Variants in ZNF366 observed in about 807,000 individuals in gnomAD.
ZNF366 encodes the protein dendritic cell-specific transcript protein.
A neutral mutation model predicts 47.2 loss-of-function variants in ZNF366; 20 were observed. The ratio of observed to expected loss-of-function variants is 0.42; its 90% CI spans 0.30 to 0.62. ZNF366 has a LOEUF of 0.62. Among genes scored for constraint, ZNF366 ranks in the 20% least tolerant of loss-of-function variants. The probability of loss-of-function intolerance (pLI) is 0.16; values close to 1 mark genes in which losing one functional copy is unlikely to be tolerated. For missense variants in ZNF366, 987 were observed against 976.3 expected (o/e 1.01, Z -0.15); for synonymous variants, 421 against 395.1 (o/e 1.07, Z -0.78).
At position 72,443,672 on chromosome 5, in the gene ZNF366, C is replaced by A; in HGVS notation, c.*84G>T. 7 of 1,415,816 alleles carry A rather than the reference C, an allele frequency of 4.9e-6. No homozygotes were observed. The highest frequency in any genetic ancestry group is 6.7e-6 in the Non-Finnish European group (7 of 1,046,326). The allele number at this position is 1,415,816 out of a possible 1,614,324, so 87.7% of individuals were successfully genotyped here. On this transcript the variant is annotated 3_prime_UTR_variant, in exon 5 of 5. Transcript: ENST00000318442. Reference sequence around the variant, plus strand: ...GTAGAGATTGGTACTATTCGCCAGTCTCCAGAAAATGACAGTTCATGCAGA... The same window carrying A: ...GTAGAGATTGGTACTATTCGCCAGTATCCAGAAAATGACAGTTCATGCAGA...
chr5:72,490,176 G>A (rs1034666987), intron 1 of ZNF366, among the ~76,000 whole-genome samples: 1 of 152,196 alleles, frequency 6.6e-6, no homozygotes, highest in Non-Finnish European at 1.5e-5. Context: ...CAGGGTCAAT[G>A]TTGCTGCTTT....
rs751874056 is a variant in ZNF366 at position 72,460,465 on chromosome 5, G to A, written c.1032C>T (p.Arg344=). 1.9e-5 allele frequency: 31 copies of A among 1,613,962 alleles called. No individual in the cohort carries two copies. The East Asian group carries it at 6.0e-4, about 31-fold the overall frequency. ...VKPHNCRVCG[R]GFAYPSELKA... ...TGAGCTCGCTGGGGTAGGCAAAGCC[G>A]CGGCCGCACACGCGGCAGTTGTGCG... Residue 344 remains arginine (R), a synonymous_variant, in exon 2 of 5, where the codon CGC becomes CGT. Coordinates refer to ENST00000318442, the MANE Select transcript of ZNF366 (RefSeq NM_152625.3).
At position 72,460,847 on chromosome 5, in the gene ZNF366, G is replaced by C; in HGVS notation, c.650C>G (p.Ala217Gly). ...GGTCTCCTCGCTCTCCTGGGGCTCG[G>C]CTTTCCGGGGCAGCAGAGGTTCCGG... ...QPPEPLLPRK[A>G]EPQESEETKQ... Residue 217 changes from alanine to glycine, a missense_variant, in exon 2 of 5, where the codon GCC (alanine) becomes GGC (glycine). This residue lies in a region of ZNF366 where 591 missense variants were observed against 560.9 expected (regional missense o/e 1.05). Coordinates refer to ENST00000318442, the MANE Select transcript of ZNF366 (RefSeq NM_152625.3). 1 of 1,614,062 alleles carries C rather than the reference G, an allele frequency of 6.2e-7. No individual in the cohort carries two copies. Among genetic ancestry groups the C allele is most frequent in the Non-Finnish European group, 8.5e-7 (1 of 1,179,986 alleles).
At chr5:72,487,231 A>G (rs1743908753) in intron 1 of ZNF366, among the ~76,000 whole-genome samples, 1 of 152,208 alleles carries the variant, frequency 6.6e-6, no homozygotes, top group South Asian at 2.1e-4. Context: ...CATAATACTG[A>G]AATTGAGCTC....
At chr5:72,454,874 G>T (rs937344584) in intron 3 of ZNF366, among the ~76,000 whole-genome samples, 2 of 152,198 alleles carry the variant, frequency 1.3e-5, no homozygotes, top group African/African-American at 4.8e-5. Flanking sequence ...AGGAGGCCGT[G>T]GAGTCCATCG....
At chr5:72,479,289 G>A (rs905796656) in intron 1 of ZNF366, among the ~76,000 whole-genome samples, 4 of 152,084 alleles carry the variant, frequency 2.6e-5, no homozygotes, top group Admixed American at 1.3e-4. Flanking sequence ...CTGGCTTGGC[G>A]TTGTGGCTTA....
rs139180111 is a variant in ZNF366 at position 72,487,019 on chromosome 5, C to T, written c.-15+20232G>A. 1.9e-4 allele frequency among the ~76,000 whole-genome samples: 29 copies of T among 152,334 alleles called. No individual in the cohort carries two copies. The East Asian group carries it at 5.4e-3, about 28-fold the overall frequency. On this transcript the variant is annotated intron_variant, in intron 1 of 4. Coordinates refer to ENST00000318442, the MANE Select transcript of ZNF366 (RefSeq NM_152625.3). ...CTTGAACTCCTGATCTTGTGATCCA[C>T]CCGCCTTGGCCTCCCAAAGTGCTGG...
chr5:72,446,024 G>A (rs4703881), intron 4 of ZNF366, among the ~76,000 whole-genome samples: 128,807 of 152,208 alleles, frequency 0.85, 54,690 homozygotes, highest in East Asian at 0.96. Flanking sequence ...ATGTCTATCT[G>A]TTTATGAATA....
At chr5:72,487,928 G>C (rs948216505) in intron 1 of ZNF366, among the ~76,000 whole-genome samples, 4 of 152,158 alleles carry the variant, frequency 2.6e-5, no homozygotes, top group African/African-American at 9.7e-5. Flanking sequence ...ACAGGGTACT[G>C]GGTGCGGTGG....
In ZNF366 at chr5:72,460,720, C is replaced by G. The variant is rs1416027489; in HGVS notation, c.777G>C (p.Glu259Asp). ...GGTTGTACTTGGAGGTGTAGGACTT[C>G]TCGCAGGTGGGGCACTGCCAGCGCT... Reference protein sequence around the residue: ...SQKRWQCPTCEKSYTSKYNLV... With the variant: ...SQKRWQCPTCDKSYTSKYNLV... The change falls in exon 2 of 5, where the codon GAG becomes GAC. Residue 259 changes from glutamate (E) to aspartate (D), a missense_variant. Around this residue, in one of 3 missense-constraint regions of ZNF366, gnomAD observed 591 missense variants for 560.9 expected, o/e 1.05. Coordinates refer to ENST00000318442, the MANE Select transcript of ZNF366 (RefSeq NM_152625.3). 6.2e-7 allele frequency: 1 copy of G among 1,614,238 alleles called. No individual in the cohort carries two copies.
chr5:72,500,257 C>T (rs1035379357), intron 1 of ZNF366, among the ~76,000 whole-genome samples: 3 of 152,144 alleles, frequency 2.0e-5, no homozygotes, highest in African/African-American at 7.2e-5. Context: ...CTAATGTGTG[C>T]ACTATGGTTT....
In ZNF366 at chr5:72,461,245, T is replaced by C; in HGVS notation, c.252A>G (p.Thr84=). The C allele has an allele frequency of 6.2e-7, 1 of 1,614,108 alleles. No homozygotes were observed. The highest frequency in any genetic ancestry group is 8.5e-7 in the Non-Finnish European group (1 of 1,180,024). Residue 84 remains threonine, a synonymous_variant, in exon 2 of 5, where the codon ACA becomes ACG. Coordinates refer to ENST00000318442, the MANE Select transcript of ZNF366 (RefSeq NM_152625.3). The part of the protein sequence containing the change: ...AGSRKRKSMP[T]KMPYNHPAEE... ...CTGCAGGGTGGTTATAGGGCATCTT[T>C]GTGGGCATGCTCTTCCGTTTCCTAG...
At chr5:72,453,926 T>C (rs1348971720) in intron 3 of ZNF366, among the ~76,000 whole-genome samples, 3 of 152,226 alleles carry the variant, frequency 2.0e-5, no homozygotes, top group African/African-American at 7.2e-5. Flanking sequence ...TGATGATAGA[T>C]GACACTCTCT....
At chr5:72,462,299 T>C (rs1016159724) in intron 1 of ZNF366, among the ~76,000 whole-genome samples, 13 of 152,186 alleles carry the variant, frequency 8.5e-5, no homozygotes, top group African/African-American at 2.9e-4. Context: ...GAAATATTCC[T>C]TTATTATGTG....
intron 3 of ZNF366, among the ~76,000 whole-genome samples, chr5:72,453,595 G>C (rs529445799): frequency 3.3e-5 from 5 of 152,230 alleles, no homozygotes; most frequent in Admixed American, 6.5e-5. Context: ...GATGGCTCAC[G>C]CCACCATGTG....
intron 1 of ZNF366, among the ~76,000 whole-genome samples, chr5:72,478,917 A>G (rs1353132897): frequency 6.6e-6 from 1 of 152,204 alleles, no homozygotes; most frequent in Non-Finnish European, 1.5e-5. Flanking sequence ...CAGAATAGTC[A>G]TTCAATTTCT....
intron 4 of ZNF366, among the ~76,000 whole-genome samples, chr5:72,446,631 C>A (rs1361297343): frequency 6.6e-6 from 1 of 152,144 alleles, no homozygotes; most frequent in Non-Finnish European, 1.5e-5. Flanking sequence ...GCATATGGGC[C>A]AATCAGCCCT....
At chr5:72,495,899 C>T (rs1250271690) in intron 1 of ZNF366, among the ~76,000 whole-genome samples, 3 of 152,146 alleles carry the variant, frequency 2.0e-5, no homozygotes, top group East Asian at 3.8e-4. Flanking sequence ...TCCAGCCATC[C>T]TACTCCCCTG....
chr5:72,482,846 A>T (rs1298860217), intron 1 of ZNF366, among the ~76,000 whole-genome samples: 1 of 151,626 alleles, frequency 6.6e-6, no homozygotes, highest in Non-Finnish European at 1.5e-5. Context: ...CTGGCACTGT[A>T]TTGCCACCAC....
Sources: gnomAD v4.1 joint callset for allele counts (sites outside exome capture counted in the v4.1 genomes callset) on GRCh38, gnomAD v4.1.1 for gene constraint, gnomAD v4.1.1 regional missense constraint, MANE v1.5 for transcripts, NCBI Gene and HGNC (gene_info 2026-07-23, HGNC 2026-07-21) for gene names.